IQCH: variants seen among roughly 807,000 people sequenced by gnomAD.
The protein encoded by IQCH is IQ domain-containing protein H.
A neutral mutation model predicts 117.0 loss-of-function variants in IQCH; 98 were observed. The observed-to-expected ratio is 0.84, with a 90% CI of 0.71 to 0.99. IQCH has a LOEUF of 0.99. Ranked by LOEUF, IQCH falls within the 50% of genes least tolerant of loss-of-function variation. IQCH has a pLI of 0.00. For missense variants in IQCH, 1,102 were observed against 1,243.8 expected (o/e 0.89, Z 1.72); for synonymous variants, 412 against 448.2 (o/e 0.92, Z 1.02).
chr15:67,371,510 A>G, intron 8 of IQCH: 1 of 1,593,038 alleles, frequency 6.3e-7, no homozygotes, highest in Non-Finnish European at 8.6e-7. Flanking sequence ...AACACGTGTC[A>G]AGAGAAACCT....
chr15:67,436,529 A>G lies in IQCH; in HGVS notation c.2505+14952A>G, dbSNP rs1389277167. Among the ~76,000 whole-genome samples, 1 of 152,178 alleles carries G rather than the reference A, an allele frequency of 6.6e-6. No individual in the cohort carries two copies. The highest frequency in any genetic ancestry group is 1.9e-4 in the East Asian group (1 of 5,194). Reference sequence around the variant, plus strand: ...CACAGGGAGAAGGAATTCTCTAGCTAAAGTTTGTAACAACTTGAACAGGGT... The same window carrying G: ...CACAGGGAGAAGGAATTCTCTAGCTGAAGTTTGTAACAACTTGAACAGGGT... On this transcript the variant is annotated intron_variant, in intron 16 of 20. Coordinates refer to ENST00000335894, the MANE Select transcript of IQCH (RefSeq NM_001031715.3). This position sits in a 1 kb window ranked among gnomAD's most constrained non-coding sequence, Gnocchi z 5.1.
At chr15:67,383,657 G>A (rs1477223222) in intron 10 of IQCH, among the ~76,000 whole-genome samples, 1 of 152,066 alleles carries the variant, frequency 6.6e-6, no homozygotes, top group Non-Finnish European at 1.5e-5. Flanking sequence ...AAAATCCCAA[G>A]TTACAATATT....
At position 67,365,225 on chromosome 15, in the gene IQCH, C is replaced by T. The variant is rs1970290198; in HGVS notation, c.753+5340C>T. ...CCTCCCAAAGTGCTGGGATTATAGG[C>T]ATGAGCCACCACACCTAGCCTGTGG... On this transcript the variant is annotated intron_variant, in intron 8 of 20. Transcript: ENST00000335894. This position sits in a 1 kb window ranked among gnomAD's most constrained non-coding sequence, Gnocchi z 4.4. 6.6e-6 allele frequency among the ~76,000 whole-genome samples: 1 copy of T among 152,212 alleles called. No homozygotes were observed.
rs2082913098 is a variant in IQCH at position 67,465,676 on chromosome 15, C to T, written c.2676+379C>T. ...AAAATTCTATAGAACATCTCTGCTTCGAATCCTCAGAGTCAAGCTATCCAA... is the reference window on the plus strand; with the variant it reads ...AAAATTCTATAGAACATCTCTGCTTTGAATCCTCAGAGTCAAGCTATCCAA... On this transcript the variant is annotated intron_variant, in intron 17 of 20. Transcript: ENST00000335894. This position sits in a 1 kb window ranked among gnomAD's most constrained non-coding sequence, Gnocchi z 5.9. Among the ~76,000 whole-genome samples, 4 of 152,160 alleles carry T rather than the reference C, an allele frequency of 2.6e-5. No homozygotes were observed. In the South Asian group the frequency reaches 6.2e-4, roughly 24 times the overall value.
At chr15:67,324,610 A>T (rs926364415) in intron 4 of IQCH, among the ~76,000 whole-genome samples, 1 of 16,376 alleles carries the variant, frequency 6.1e-5, no homozygotes, top group African/African-American at 1.2e-4. Context: ...GACTCTGTCT[A>T]AAAAAAAAAA....
At position 67,337,078 on chromosome 15, in the gene IQCH, A is replaced by G. The variant is rs750609847; in HGVS notation, c.491A>G (p.Gln164Arg). Reference sequence around the variant, plus strand: ...TATTTCACTCCTATACCAGTCTTACAAGCAGATGCCCACAAAGGTTAGTGA... The same window carrying G: ...TATTTCACTCCTATACCAGTCTTACGAGCAGATGCCCACAAAGGTTAGTGA... ...DPYFTPIPVL[Q>R]ADAHKGILSM... The change falls in exon 5 of 21, where the codon CAA becomes CGA. Residue 164 changes from glutamine (Q) to arginine (R), a missense_variant. This residue lies in a region of IQCH where 452 missense variants were observed against 449.6 expected (regional missense o/e 1.01). Coordinates refer to ENST00000335894, the MANE Select transcript of IQCH (RefSeq NM_001031715.3). The G allele has an allele frequency of 1.9e-6, 3 of 1,613,386 alleles. No individual in the cohort carries two copies.
At chr15:67,351,948 T>C (rs1460253725) in intron 6 of IQCH, among the ~76,000 whole-genome samples, 1 of 152,194 alleles carries the variant, frequency 6.6e-6, no homozygotes, top group Non-Finnish European at 1.5e-5. Flanking sequence ...GCATTTACTG[T>C]ATTTACAGTT....
chr15:67,492,695 C>T (rs4776938), intron 19 of IQCH, among the ~76,000 whole-genome samples: 106,288 of 151,906 alleles, frequency 0.7, 37,650 homozygotes, highest in Middle Eastern at 0.82. Context: ...AGGAGCAGGA[C>T]GTGTGTCCTG....
In IQCH at chr15:67,395,259, CT is replaced by C. The variant is rs1971423863; in HGVS notation, c.1633-28del. The C allele has an allele frequency of 6.3e-7, 1 of 1,593,848 alleles. No individual in the cohort carries two copies. The highest frequency in any genetic ancestry group is 8.6e-7 in the Non-Finnish European group (1 of 1,169,422). On this transcript the variant is annotated intron_variant, in intron 12 of 20. Coordinates refer to ENST00000335894, the MANE Select transcript of IQCH (RefSeq NM_001031715.3). This position sits in a 1 kb window ranked among gnomAD's most constrained non-coding sequence, Gnocchi z 4.0. Reference sequence around the variant, plus strand: ...GTGTATGGACTAGAAAAAAGGACACCTTTTAACAAGAATAATATGATCTTCC... The same window carrying C: ...GTGTATGGACTAGAAAAAAGGACACCTTTAACAAGAATAATATGATCTTCC...
chr15:67,421,614 T>C (rs1161463912), intron 16 of IQCH, 37 bp downstream of exon 16: 1 of 1,606,738 alleles, frequency 6.2e-7, no homozygotes, highest in East Asian at 2.2e-5. Flanking sequence ...TGCTAAAATA[T>C]GTAATGACTC....
chr15:67,319,332 T>G (rs961257856), intron 4 of IQCH, among the ~76,000 whole-genome samples: 2 of 152,212 alleles, frequency 1.3e-5, no homozygotes, highest in Admixed American at 6.5e-5. Flanking sequence ...GCTCCAATCC[T>G]AGATCTGGCA....
chr15:67,338,158 A>G (rs1308967597), intron 5 of IQCH, among the ~76,000 whole-genome samples: 1 of 152,148 alleles, frequency 6.6e-6, no homozygotes, highest in African/African-American at 2.4e-5. Flanking sequence ...GAACCAAATT[A>G]GGATGAATGA....
In IQCH at chr15:67,391,053, T is replaced by C. The variant is rs569071374; in HGVS notation, c.1632+2047T>C. Among the ~76,000 whole-genome samples the C allele has an allele frequency of 6.6e-6, 1 of 152,266 alleles. No homozygotes were observed. Among genetic ancestry groups the C allele is most frequent in the South Asian group, 2.1e-4 (1 of 4,826 alleles). On this transcript the variant is annotated intron_variant, in intron 12 of 20. Transcript: ENST00000335894. The surrounding 1 kb of genome is among the most constrained non-coding windows in gnomAD (Gnocchi z 4.3). ...CTCATCTATAAAATGAGATCCTGGA[T>C]TAGATCATTTCAGAGTCATCTTCAA...
chr15:67,338,898 G>A (rs1483662838), intron 5 of IQCH, among the ~76,000 whole-genome samples: 1 of 152,022 alleles, frequency 6.6e-6, no homozygotes, highest in South Asian at 2.1e-4. Flanking sequence ...CTAGGCCTTC[G>A]CTCTCATCTC....
At chr15:67,298,555 T>G (rs2140521844) in intron 4 of IQCH, among the ~76,000 whole-genome samples, 1 of 151,624 alleles carries the variant, frequency 6.6e-6, no homozygotes, top group East Asian at 2.0e-4. Flanking sequence ...TGGAGAACGG[T>G]TTGGAAGTTC....
At chr15:67,412,385 T>C (rs1418050315) in intron 14 of IQCH, among the ~76,000 whole-genome samples, 1 of 152,164 alleles carries the variant, frequency 6.6e-6, no homozygotes, top group African/African-American at 2.4e-5. Flanking sequence ...TAACTACTCA[T>C]TTCACAAGTT....
chr15:67,416,947 A>C lies in IQCH; in HGVS notation c.2114A>C (p.Lys705Thr), dbSNP rs938706596. The C allele has an allele frequency of 3.1e-6, 5 of 1,600,408 alleles. No individual in the cohort carries two copies. Among genetic ancestry groups the C allele is most frequent in the African/African-American group, 1.3e-5 (1 of 74,270 alleles). ...TTTCTGCAGGAGCCAGCTTTGGTGA[A>C]GATCTCTGAGGAGCTGGCGGGCATT... ...KKWAQEPALV[K>T]ISEELAGILA... Residue 705 changes from lysine (K) to threonine (T), a missense_variant, in exon 15 of 21, where the codon AAG becomes ACG. Transcript: ENST00000335894. The surrounding 1 kb of genome is among the most constrained non-coding windows in gnomAD (Gnocchi z 5.1).
intron 4 of IQCH, among the ~76,000 whole-genome samples, chr15:67,325,632 T>TAGTG (rs1459800372): frequency 6.6e-6 from 1 of 152,118 alleles, no homozygotes; most frequent in Admixed American, 6.5e-5. Flanking sequence ...TTATCCTAAA[T>TAGTG]AGTGCATCAT....
intron 4 of IQCH, among the ~76,000 whole-genome samples, chr15:67,321,478 CTTTCTTTCTT>C (rs1409546163): frequency 4.8e-4 from 43 of 90,218 alleles, no homozygotes; most frequent in Non-Finnish European, 8.2e-4. Flanking sequence ...TCCTTCCTTT[CTTTCTTTCTT>C]TTTCTTTCTT....
Sources: gnomAD v4.1 joint callset for allele counts (sites outside exome capture counted in the v4.1 genomes callset) on GRCh38, gnomAD v4.1.1 for gene constraint, gnomAD v4.1.1 regional missense constraint, Gnocchi (gnomAD v3.1) non-coding constraint, MANE v1.5 for transcripts, NCBI Gene and HGNC (gene_info 2026-07-23, HGNC 2026-07-21) for gene names.